RNFT2: variants seen among roughly 807,000 people sequenced by gnomAD.
RNFT2 encodes E3 ubiquitin-protein ligase RNFT2.
In RNFT2, 36 loss-of-function variants were observed where a neutral mutation model predicts 53.0. That is an observed-to-expected ratio of 0.68 (90% CI 0.52 to 0.90). The LOEUF (loss-of-function observed/expected upper bound fraction) is 0.90. RNFT2 is among the 40% of genes least tolerant of loss of function. RNFT2 has a pLI of 0.00. For missense variants in RNFT2, 514 were observed against 585.6 expected (o/e 0.88, Z 1.26); for synonymous variants, 260 against 253.2 (o/e 1.03, Z -0.26).
chr12:116,776,116 T>G (rs1392241962), intron 6 of RNFT2, among the ~76,000 whole-genome samples: 1 of 151,998 alleles, frequency 6.6e-6, no homozygotes, highest in Admixed American at 6.6e-5. Flanking sequence ...AATATATCAG[T>G]CCATTAAAGT....
intron 10 of RNFT2, among the ~76,000 whole-genome samples, chr12:116,840,706 G>C (rs561992747): frequency 5.3e-5 from 8 of 152,254 alleles, no homozygotes; most frequent in African/African-American, 1.9e-4. Context: ...TTGTGACCCT[G>C]ACCCTCCATG....
Position 116,833,835 on chromosome 12 carries a change from G to T in RNFT2, c.926G>T (p.Arg309Leu), listed in dbSNP as rs778665392. 3 of 1,613,190 alleles carry T rather than the reference G, an allele frequency of 1.9e-6. No homozygotes were observed. Among genetic ancestry groups the T allele is most frequent in the Non-Finnish European group, 2.5e-6 (3 of 1,179,558 alleles). Residue 309 changes from arginine (R) to leucine (L), a missense_variant, in exon 8 of 11, where the codon CGA becomes CTA. Transcript: ENST00000257575. Reference sequence around the variant, plus strand: ...ATCGAGGAGCTGAGCCAGCTGTTCCGATCCCTTGTCCCCATCCAGCTGTGG... The same window carrying T: ...ATCGAGGAGCTGAGCCAGCTGTTCCTATCCCTTGTCCCCATCCAGCTGTGG... ...LVIEELSQLF[R>L]SLVPIQLWYK...
chr12:116,753,124 T>G (rs75579390), intron 4 of RNFT2, among the ~76,000 whole-genome samples: 5,535 of 146,352 alleles, frequency 0.038, 342 homozygotes, highest in African/African-American at 0.13. Context: ...CGTTGTAAGT[T>G]TTTTCTTTTT....
At chr12:116,831,789 C>T (rs777537480) in intron 7 of RNFT2, among the ~76,000 whole-genome samples, 125 of 151,872 alleles carry the variant, frequency 8.2e-4, no homozygotes, top group Non-Finnish European at 1.4e-3. Context: ...TTTTGGCAAA[C>T]GTGCGCACCC....
intron 7 of RNFT2, among the ~76,000 whole-genome samples, chr12:116,809,521 C>G (rs1229589535): frequency 5.3e-5 from 8 of 152,180 alleles, no homozygotes; most frequent in Non-Finnish European, 1.0e-4. Context: ...CAACCAGCCC[C>G]TTTGGGAGAG....
intron 7 of RNFT2, among the ~76,000 whole-genome samples, chr12:116,821,667 AG>A (rs1361044977): frequency 6.6e-6 from 1 of 152,194 alleles, no homozygotes; most frequent in East Asian, 1.9e-4. Flanking sequence ...CCTCTGGCCC[AG>A]GAGGCTGGAA....
intron 4 of RNFT2, among the ~76,000 whole-genome samples, chr12:116,751,529 G>A (rs1416963223): frequency 2.0e-5 from 3 of 151,616 alleles, no homozygotes; most frequent in East Asian, 3.9e-4. Flanking sequence ...TCAGCCTCCC[G>A]AGTGACTGGG....
intron 3 of RNFT2, among the ~76,000 whole-genome samples, chr12:116,744,286 C>T (rs1191165950): frequency 6.7e-6 from 1 of 148,872 alleles, no homozygotes; most frequent in African/African-American, 2.5e-5. Flanking sequence ...GATGCAGAAA[C>T]AGCATCCGGC....
chr12:116,839,460 GATGA>G (rs1277883573), intron 10 of RNFT2, among the ~76,000 whole-genome samples: 8 of 134,846 alleles, frequency 5.9e-5, no homozygotes, highest in South Asian at 2.4e-4. Context: ...TGGATGGATG[GATGA>G]ATGGAAGTGA....
At chr12:116,793,601 G>A (rs1405378642) in intron 7 of RNFT2, among the ~76,000 whole-genome samples, 2 of 152,172 alleles carry the variant, frequency 1.3e-5, no homozygotes, top group Non-Finnish European at 2.9e-5. Context: ...GACCAGCCAT[G>A]CTGGTGACTT....
At chr12:116,771,635 G>T (rs1488413419) in intron 6 of RNFT2, among the ~76,000 whole-genome samples, 2 of 151,740 alleles carry the variant, frequency 1.3e-5, no homozygotes, top group African/African-American at 2.4e-5. Flanking sequence ...CCCCATCTGG[G>T]TTGAGCTGTG....
At chr12:116,743,689 G>C (rs1871756284) in intron 3 of RNFT2, among the ~76,000 whole-genome samples, 1 of 152,166 alleles carries the variant, frequency 6.6e-6, no homozygotes, top group South Asian at 2.1e-4. Flanking sequence ...GGGCAGCCAA[G>C]CCTTCCCTTC....
At chr12:116,759,857 C>T (rs1872631059) in intron 5 of RNFT2, among the ~76,000 whole-genome samples, 1 of 152,172 alleles carries the variant, frequency 6.6e-6, no homozygotes, top group South Asian at 2.1e-4. Flanking sequence ...GGAGGTGGCG[C>T]TTTCCAGAGA....
At chr12:116,802,110 T>C (rs114061237) in intron 7 of RNFT2, among the ~76,000 whole-genome samples, 5,898 of 152,312 alleles carry the variant, frequency 0.039, 184 homozygotes, top group African/African-American at 0.075. Context: ...TGTGAGCCAC[T>C]GCACCCAGCC....
At chr12:116,832,139 A>AT in intron 7 of RNFT2, among the ~76,000 whole-genome samples, 3 of 76,276 alleles carry the variant, frequency 3.9e-5, no homozygotes, top group African/African-American at 1.3e-4. Flanking sequence ...TCAAAAAAAA[A>AT]AAAAAAAAAA....
chr12:116,741,074 G>T lies in RNFT2; in HGVS notation c.63G>T (p.Thr21=). The change falls in exon 3 of 11, where the codon ACG becomes ACT. Residue 21 remains threonine, a synonymous_variant. Transcript: ENST00000257575. ...RKMQRRHSSN[T]DNIPPERNRS... is the part of the protein sequence containing the mutation. ...TGCAGAGACGCCACAGCAGCAACAC[G>T]GATAACATTCCACCTGAAAGGTAGG... The T allele has an allele frequency of 6.2e-7, 1 of 1,610,752 alleles. No homozygotes were observed. The highest frequency in any genetic ancestry group is 8.5e-7 in the Non-Finnish European group (1 of 1,178,466).
chr12:116,750,670 CCT>C (rs1872148271), intron 4 of RNFT2, among the ~76,000 whole-genome samples: 1 of 150,878 alleles, frequency 6.6e-6, no homozygotes, highest in Admixed American at 6.6e-5. Flanking sequence ...CATTATTTAA[CCT>C]CTCTGTGCCT....
intron 3 of RNFT2, among the ~76,000 whole-genome samples, chr12:116,743,284 T>A (rs1366522645): frequency 1.5e-5 from 2 of 133,498 alleles, no homozygotes; most frequent in Admixed American, 8.9e-5. Context: ...TTTTTTTTTT[T>A]GAGATGGAGT....
At chr12:116,793,878 T>C (rs1874363069) in intron 7 of RNFT2, among the ~76,000 whole-genome samples, 1 of 152,196 alleles carries the variant, frequency 6.6e-6, no homozygotes, top group Non-Finnish European at 1.5e-5. Flanking sequence ...TTGTCTTTAT[T>C]TATTTTCTGT....
Sources: gnomAD v4.1 joint callset for allele counts (sites outside exome capture counted in the v4.1 genomes callset) on GRCh38, gnomAD v4.1.1 for gene constraint, MANE v1.5 for transcripts, NCBI Gene and HGNC (gene_info 2026-07-23, HGNC 2026-07-21) for gene names.